The following DCT variants were observed in gnomAD, a reference collection of about 807,000 sequenced individuals.
The protein encoded by DCT is dopachrome tautomerase, also known as L-dopachrome tautomerase.
DCT carries 47 observed loss-of-function variants against 53.0 expected under a neutral mutation model. The ratio of observed to expected loss-of-function variants is 0.89; its 90% CI spans 0.70 to 1.13. The LOEUF (loss-of-function observed/expected upper bound fraction) is 1.13. Ranked by LOEUF, DCT falls within the 50% of genes most tolerant of loss-of-function variation. The pLI is 0.00. For missense variants in DCT, 669 were observed against 637.4 expected (o/e 1.05, Z -0.53); for synonymous variants, 244 against 237.0 (o/e 1.03, Z -0.27).
rs746056725 is a variant in DCT at position 94,440,034 on chromosome 13, A to G, written c.1424T>C (p.Val475Ala). 6.2e-7 allele frequency: 1 copy of G among 1,614,084 alleles called. No individual in the cohort carries two copies. The highest frequency in any genetic ancestry group is 8.5e-7 in the Non-Finnish European group (1 of 1,179,924). The change falls in exon 8 of 8, where the codon GTA becomes GCA. Residue 475 changes from valine to alanine, a missense_variant. Physicochemically the swap from Val to Ala is moderately conservative, Grantham distance 64. Transcript: ENST00000377028. Reference protein sequence around the residue: ...ETPGWPTTLLVVMGTLVALVG... With the variant: ...ETPGWPTTLLAVMGTLVALVG... ...CAAAGCCACCAGTGTTCCCATGACT[A>G]CTAAGAGAGTTGTGGGCCAACCTGG...
intron 1 of DCT, among the ~76,000 whole-genome samples, chr13:94,472,560 ATATATATATT>A (rs1884794664): frequency 4.4e-4 from 9 of 20,270 alleles, no homozygotes; most frequent in Non-Finnish European, 5.6e-4. Context: ...ATATATATAT[ATATATATATT>A]TTTTTTTTTT....
chr13:94,478,903 G>A, intron 1 of DCT, 58 bp downstream of exon 1: 1 of 1,491,748 alleles, frequency 6.7e-7, no homozygotes, highest in East Asian at 2.3e-5. Flanking sequence ...CTCTTCCTTA[G>A]AAGGAGCTCT....
intron 1 of DCT, among the ~76,000 whole-genome samples, chr13:94,477,996 A>T (rs911526815): frequency 6.6e-6 from 1 of 152,148 alleles, no homozygotes; most frequent in Admixed American, 6.5e-5. Flanking sequence ...AAAAGCCCCA[A>T]AGAGCTAGAG....
At chr13:94,539,686 T>A in the DCT span, among the ~76,000 whole-genome samples, 2 of 152,226 alleles carry the variant, frequency 1.3e-5, no homozygotes, top group African/African-American at 4.8e-5. Context: ...TTAAATTCCT[T>A]TCCAACATTA....
the DCT span, among the ~76,000 whole-genome samples, chr13:94,530,161 A>G: frequency 6.6e-6 from 1 of 152,290 alleles, no homozygotes; most frequent in East Asian, 1.9e-4. Flanking sequence ...TTACCAACCA[A>G]AAACAGTCCA....
chr13:94,460,155 A>G lies in DCT; in HGVS notation c.1115T>C (p.Val372Ala). Residue 372 changes from valine to alanine, a missense_variant, in exon 6 of 8, where the codon GTT (valine) becomes GCT (alanine). By Grantham distance (64) the Val-to-Ala change is moderately conservative. Transcript: ENST00000377028. ...GTTTGTCCCGTTCAGGAAGGAATGA[A>G]CCAAATTATGAAGGCTCATCACTTG... ...DSQVMSLHNL[V>A]HSFLNGTNAL... 1 of 1,614,130 alleles carries G rather than the reference A, an allele frequency of 6.2e-7. No individual in the cohort carries two copies. The highest frequency in any genetic ancestry group is 8.5e-7 in the Non-Finnish European group (1 of 1,179,962).
the DCT span, among the ~76,000 whole-genome samples, chr13:94,495,991 G>C: frequency 6.6e-5 from 10 of 152,252 alleles, no homozygotes; most frequent in African/African-American, 2.4e-4. Flanking sequence ...ACGCGCCTCT[G>C]ATCGTTGCCA....
intron 6 of DCT, among the ~76,000 whole-genome samples, chr13:94,457,857 C>T (rs1883511525): frequency 6.6e-6 from 1 of 152,156 alleles, no homozygotes; most frequent in Non-Finnish European, 1.5e-5. Flanking sequence ...CTTATGACAA[C>T]TTGAGTGACC....
intron 6 of DCT, among the ~76,000 whole-genome samples, chr13:94,455,103 A>G (rs920723570): frequency 2.0e-5 from 3 of 152,136 alleles, no homozygotes; most frequent in Admixed American, 2.0e-4. Context: ...AATCCCTACT[A>G]CAGGCCAGAT....
At chr13:94,523,070 G>C in the DCT span, among the ~76,000 whole-genome samples, 3 of 152,240 alleles carry the variant, frequency 2.0e-5, no homozygotes, top group South Asian at 6.2e-4. Context: ...AGGGGGCCTG[G>C]GGTCTCCAAC....
chr13:94,440,331 C>T (rs981817011), intron 7 of DCT, among the ~76,000 whole-genome samples: 1 of 152,146 alleles, frequency 6.6e-6, no homozygotes, highest in Non-Finnish European at 1.5e-5. Flanking sequence ...ACAATAAATG[C>T]TTATGCCGAA....
At chr13:94,513,045 T>C in the DCT span, among the ~76,000 whole-genome samples, 1 of 152,236 alleles carries the variant, frequency 6.6e-6, no homozygotes, top group Non-Finnish European at 1.5e-5. Context: ...AACGTGCCAT[T>C]CTGTTAAGTC....
At position 94,472,536 on chromosome 13, in the gene DCT, A is replaced by G. The variant is rs1329165137; in HGVS notation, c.296-3491T>C. On this transcript the variant is annotated intron_variant, in intron 1 of 7. Coordinates refer to ENST00000377028, the MANE Select transcript of DCT (RefSeq NM_001922.5). ...TACATACATACATATATATATATAT[A>G]TATATATATATATATATATATATAT... Among the ~76,000 whole-genome samples, 3 of 21,874 alleles carry G rather than the reference A, an allele frequency of 1.4e-4. No homozygotes were observed. The East Asian group carries it at 5.8e-3, about 42-fold the overall frequency. 14.4% of individuals were successfully genotyped at this position (21,874 alleles called of 152,430 possible). A position where few individuals can be genotyped will look rare whatever the true frequency, so the allele number is the denominator to read the frequency against.
chr13:94,441,050 T>C lies in DCT; in HGVS notation c.1382-974A>G, dbSNP rs115715987. Among the ~76,000 whole-genome samples, 723 of 152,326 alleles carry C rather than the reference T, an allele frequency of 4.7e-3. 5 individuals carry two copies. Among genetic ancestry groups the C allele is most frequent in the African/African-American group, 0.017 (691 of 41,584 alleles). On this transcript the variant is annotated intron_variant, in intron 7 of 7. Transcript: ENST00000377028. Reference sequence around the variant, plus strand: ...AAAAATTATATTCTCCTTGGCCAACTGTTCTTAAATTCAGCTCCTCTGAAT... The same window carrying C: ...AAAAATTATATTCTCCTTGGCCAACCGTTCTTAAATTCAGCTCCTCTGAAT...
chr13:94,464,403 G>T (rs1167237622), intron 4 of DCT, among the ~76,000 whole-genome samples: 1 of 152,170 alleles, frequency 6.6e-6, no homozygotes, highest in East Asian at 1.9e-4. Flanking sequence ...ACTTTGGGAG[G>T]CCAAGGCAGG....
chr13:94,507,601 C>T, the DCT span, among the ~76,000 whole-genome samples: 2 of 150,990 alleles, frequency 1.3e-5, no homozygotes, highest in East Asian at 2.0e-4. Context: ...CCTGGGTTCA[C>T]GCCATTCTCC....
chr13:94,524,703 C>G, the DCT span, among the ~76,000 whole-genome samples: 1 of 151,988 alleles, frequency 6.6e-6, no homozygotes, highest in African/African-American at 2.4e-5. Flanking sequence ...TTCTGGAGAA[C>G]CCTAGTAGGG....
At chr13:94,442,082 C>T (rs1375866518) in intron 7 of DCT, among the ~76,000 whole-genome samples, 1 of 152,078 alleles carries the variant, frequency 6.6e-6, no homozygotes, top group Non-Finnish European at 1.5e-5. Flanking sequence ...TTCTGCCTGG[C>T]ATCTAAGGCC....
the DCT span, among the ~76,000 whole-genome samples, chr13:94,542,125 T>C: frequency 2.6e-5 from 4 of 152,140 alleles, no homozygotes; most frequent in African/African-American, 7.2e-5. Context: ...CATTTAAAAG[T>C]CTGTGTTACT....
Sources: gnomAD v4.1 joint callset for allele counts (sites outside exome capture counted in the v4.1 genomes callset) on GRCh38, gnomAD v4.1.1 for gene constraint, MANE v1.5 for transcripts, NCBI Gene and HGNC (gene_info 2026-07-23, HGNC 2026-07-21) for gene names.